Variants in C1GALT1 observed in about 807,000 individuals in gnomAD.
The protein encoded by C1GALT1 is glycoprotein-N-acetylgalactosamine 3-beta-galactosyltransferase 1.
In C1GALT1, 11 loss-of-function variants were observed where a neutral mutation model predicts 31.0. The observed-to-expected ratio is 0.36, with a 90% CI of 0.22 to 0.59. The LOEUF (loss-of-function observed/expected upper bound fraction) is 0.59. Among genes scored for constraint, C1GALT1 ranks in the 20% least tolerant of loss-of-function variants. C1GALT1 has a pLI of 0.79. For missense variants in C1GALT1, 424 were observed against 425.2 expected, an observed-to-expected ratio of 1.00 and a Z score of 0.03; for synonymous variants, 175 against 143.6, an observed-to-expected ratio of 1.22 and a Z score of -1.56.
At chr7:7,215,519 T>C (rs1217987763) in intron 1 of C1GALT1, among the ~76,000 whole-genome samples, 2 of 152,082 alleles carry the variant, frequency 1.3e-5, no homozygotes, top group African/African-American at 4.8e-5. Context: ...TTTGGAAAAT[T>C]AGCCTTTTTC....
Position 7,238,378 on chromosome 7 carries a change from G to A in C1GALT1, c.344G>A (p.Cys115Tyr), listed in dbSNP as rs1242535686. 11 of 1,613,988 alleles carry A rather than the reference G, an allele frequency of 6.8e-6. No individual in the cohort carries two copies. Among genetic ancestry groups the A allele is most frequent in the Non-Finnish European group, 9.3e-6 (11 of 1,179,998 alleles). The part of the protein sequence containing the change: ...KHVKATWAQR[C>Y]NKVLFMSSEE... Reference sequence around the variant, plus strand: ...GTCAAAGCTACTTGGGCCCAGCGTTGTAACAAAGTGTTGTTTATGAGTTCA... The same window carrying A: ...GTCAAAGCTACTTGGGCCCAGCGTTATAACAAAGTGTTGTTTATGAGTTCA... The change falls in exon 3 of 4, where the codon TGT becomes TAT. Residue 115 changes from cysteine to tyrosine, a missense_variant. Physicochemically the swap from Cys to Tyr is radical, Grantham distance 194. Transcript: ENST00000436587. This position sits in a 1 kb window ranked among gnomAD's most constrained non-coding sequence, Gnocchi z 5.2.
intron 1 of C1GALT1, among the ~76,000 whole-genome samples, chr7:7,231,283 G>T (rs887817573): frequency 6.6e-6 from 1 of 152,054 alleles, no homozygotes; most frequent in Non-Finnish European, 1.5e-5. Flanking sequence ...TTTGACTGAT[G>T]TACTTAGGTA....
rs188588677 is a variant in C1GALT1 at position 7,237,755 on chromosome 7, G to C, written c.221-500G>C. On this transcript the variant is annotated intron_variant, in intron 2 of 3. Transcript: ENST00000436587. ...TCAAAAATGAACTGCCACTTCAGCA[G>C]CATGTCTTTCCTGCTCTTCAGAAAC... Among the ~76,000 whole-genome samples, 11 of 152,296 alleles carry C rather than the reference G, an allele frequency of 7.2e-5. No individual in the cohort carries two copies. The East Asian group carries it at 1.9e-3, about 27-fold the overall frequency.
At chr7:7,175,926 T>C (rs1780502209) in intron 2 of C1GALT1, among the ~76,000 whole-genome samples, 1 of 152,114 alleles carries the variant, frequency 6.6e-6, no homozygotes. Flanking sequence ...GCCCTACCTT[T>C]ATCCCCTCAT....
chr7:7,210,168 A>G (rs770165151), intron 1 of C1GALT1, among the ~76,000 whole-genome samples: 15 of 152,184 alleles, frequency 9.9e-5, no homozygotes, highest in Non-Finnish European at 1.5e-4. Context: ...TTGAGGTTGC[A>G]AAAAATATTT....
intron 2 of C1GALT1, among the ~76,000 whole-genome samples, chr7:7,164,461 G>A (rs1193023737): frequency 6.6e-6 from 1 of 152,136 alleles, no homozygotes; most frequent in African/African-American, 2.4e-5. Context: ...CTCTCCTCTT[G>A]CTTTACATTT....
chr7:7,241,802 A>G (rs963658347), intron 3 of C1GALT1, among the ~76,000 whole-genome samples: 5 of 151,954 alleles, frequency 3.3e-5, no homozygotes, highest in Admixed American at 3.3e-4. Flanking sequence ...ATTGTCTGCT[A>G]GCTCTTGTTT....
chr7:7,241,592 A>ATAAAC (rs1308448606), intron 3 of C1GALT1, among the ~76,000 whole-genome samples: 1 of 152,036 alleles, frequency 6.6e-6, no homozygotes, highest in East Asian at 1.9e-4. Context: ...GTCAAGTTTT[A>ATAAAC]TAAACTATTT....
At chr7:7,170,763 C>T (rs1357653548) in intron 2 of C1GALT1, among the ~76,000 whole-genome samples, 2 of 152,134 alleles carry the variant, frequency 1.3e-5, no homozygotes, top group African/African-American at 2.4e-5. Context: ...GCCTGGGTGA[C>T]AGAGCAGGAG....
At chr7:7,174,205 C>A (rs894460814) in intron 2 of C1GALT1, among the ~76,000 whole-genome samples, 1 of 152,158 alleles carries the variant, frequency 6.6e-6, no homozygotes, top group African/African-American at 2.4e-5. Context: ...TCCTTAGAGA[C>A]CCCATCTCCA....
chr7:7,180,988 G>T (rs566916556), upstream of C1GALT1, among the ~76,000 whole-genome samples: 3 of 152,072 alleles, frequency 2.0e-5, no homozygotes, highest in Non-Finnish European at 4.4e-5. Flanking sequence ...TTTCTAGCAA[G>T]TAATTTTCCA....
chr7:7,222,608 A>AT (rs1383816130), intron 1 of C1GALT1, among the ~76,000 whole-genome samples: 3 of 152,226 alleles, frequency 2.0e-5, no homozygotes, highest in Non-Finnish European at 4.4e-5. Context: ...GCGAAAAGAC[A>AT]TTTTTGTGCT....
At position 7,232,192 on chromosome 7, in the gene C1GALT1, C is replaced by G. The variant is rs117181933; in HGVS notation, c.-17-2111C>G. Among the ~76,000 whole-genome samples, 470 of 152,310 alleles carry G rather than the reference C, an allele frequency of 3.1e-3. 4 individuals carry two copies. The highest frequency in any genetic ancestry group is 0.011 in the African/African-American group (439 of 41,556). On this transcript the variant is annotated intron_variant, in intron 1 of 3. Coordinates refer to ENST00000436587, the MANE Select transcript of C1GALT1 (RefSeq NM_020156.5). ...TAATTCTCACTGCCTTGATATCTTA[C>G]CAGTGTCTTCAAACACATATTTATA... is the stretch of plus-strand genomic sequence containing the variant.
chr7:7,243,373 C>T (rs1410562821), intron 3 of C1GALT1, 151 bp from the exon 4 acceptor site: 45 of 526,952 alleles, frequency 8.5e-5, no homozygotes, highest in Non-Finnish European at 5.5e-5. Flanking sequence ...TGATTTCTTC[C>T]ACAGGTCTAG....
chr7:7,175,687 G>A (rs143839082), intron 2 of C1GALT1, among the ~76,000 whole-genome samples: 1 of 152,184 alleles, frequency 6.6e-6, no homozygotes, highest in African/African-American at 2.4e-5. Context: ...AGTCTGCTTG[G>A]GCTACTGTAA....
chr7:7,223,881 A>C (rs1483083322), intron 1 of C1GALT1, among the ~76,000 whole-genome samples: 1 of 152,164 alleles, frequency 6.6e-6, no homozygotes, highest in Non-Finnish European at 1.5e-5. Context: ...TTTACCATTA[A>C]GTGTACCATT....
At chr7:7,197,848 T>C (rs1008246766) in intron 1 of C1GALT1, among the ~76,000 whole-genome samples, 3 of 152,140 alleles carry the variant, frequency 2.0e-5, no homozygotes, top group African/African-American at 7.2e-5. Context: ...CTGTCTGTTA[T>C]TGGTGTATAG....
intron 1 of C1GALT1, among the ~76,000 whole-genome samples, chr7:7,191,177 G>A (rs2128231831): frequency 6.6e-6 from 1 of 152,144 alleles, no homozygotes; most frequent in East Asian, 1.9e-4. Flanking sequence ...GAAACCAAAA[G>A]CCTACTCTGT....
At chr7:7,189,930 G>C (rs1256623864) in intron 1 of C1GALT1, among the ~76,000 whole-genome samples, 1 of 151,758 alleles carries the variant, frequency 6.6e-6, no homozygotes, top group Non-Finnish European at 1.5e-5. Context: ...TCTTCAATAA[G>C]CCACCTTTTT....
Sources: allele counts gnomAD v4.1 joint callset (sites outside exome capture counted in the v4.1 genomes callset), GRCh38; gene constraint gnomAD v4.1.1; non-coding constraint Gnocchi (gnomAD v3.1); transcripts MANE v1.5; gene names NCBI Gene and HGNC (gene_info 2026-07-23, HGNC 2026-07-21).